COL21A1: variants seen among roughly 807,000 people sequenced by gnomAD.
COL21A1 encodes the protein collagen type XXI alpha 1 chain, also known as collagen alpha-1(XXI) chain.
Under a neutral mutation model 137.9 loss-of-function variants are expected in COL21A1, and 149 were observed. The observed-to-expected ratio is 1.08, with a 90% CI of 0.95 to 1.24. The LOEUF is 1.24. COL21A1 is among the 50% of genes most tolerant of loss of function. COL21A1 has a pLI of 0.00. For missense variants in COL21A1, 1,167 were observed against 1,158.4 expected (o/e 1.01, Z -0.11); for synonymous variants, 456 against 391.5 (o/e 1.16, Z -1.95).
At chr6:56,101,622 T>C in intron 16 of COL21A1, 97 bp from the exon 17 acceptor site, 1 of 795,574 alleles carries the variant, frequency 1.3e-6, no homozygotes, top group South Asian at 1.8e-5. Context: ...GAACATTAAA[T>C]ACAAACAGAA....
At chr6:56,328,709 G>T (rs1336918125) in intron 1 of COL21A1, among the ~76,000 whole-genome samples, 1 of 152,080 alleles carries the variant, frequency 6.6e-6, no homozygotes, top group South Asian at 2.1e-4. Flanking sequence ...GAGTTACTTT[G>T]TAAGTACTGA....
At position 56,060,871 on chromosome 6, in the gene COL21A1, G is replaced by A; in HGVS notation, c.2352+20C>T. On this transcript the variant is annotated intron_variant, in intron 26 of 29. Coordinates refer to ENST00000244728, the MANE Select transcript of COL21A1 (RefSeq NM_030820.4). Reference sequence around the variant, plus strand: ...AAATCAATGAAAATGTAATAACTGTGAAAGAAGCAGAATACATACGGGCTT... The same window carrying A: ...AAATCAATGAAAATGTAATAACTGTAAAAGAAGCAGAATACATACGGGCTT... 6.3e-7 allele frequency: 1 copy of A among 1,583,494 alleles called. No homozygotes were observed.
intron 17 of COL21A1, among the ~76,000 whole-genome samples, chr6:56,099,734 A>G (rs1770279517): frequency 6.6e-6 from 1 of 152,006 alleles, no homozygotes; most frequent in African/African-American, 2.4e-5. Context: ...TAAACAAATA[A>G]TCACACCCAG....
chr6:56,282,348 GT>G (rs1217914335), intron 1 of COL21A1, among the ~76,000 whole-genome samples: 1 of 130,498 alleles, frequency 7.7e-6, no homozygotes, highest in Non-Finnish European at 1.6e-5. Flanking sequence ...TTAAGATTTT[GT>G]TTTTTCTCAT....
chr6:56,127,516 G>A (rs1012392254), intron 12 of COL21A1, among the ~76,000 whole-genome samples: 1 of 152,088 alleles, frequency 6.6e-6, no homozygotes, highest in East Asian at 1.9e-4. Flanking sequence ...ATCTTGTTTA[G>A]GGGAATATAA....
intron 1 of COL21A1, among the ~76,000 whole-genome samples, chr6:56,201,986 C>CT (rs1342564736): frequency 2.6e-5 from 4 of 151,950 alleles, no homozygotes; most frequent in African/African-American, 9.7e-5. Flanking sequence ...GAATACCTGG[C>CT]TTGAAGTATA....
intron 1 of COL21A1, among the ~76,000 whole-genome samples, chr6:56,365,714 C>A (rs1056693232): frequency 2.6e-5 from 4 of 152,134 alleles, no homozygotes; most frequent in Non-Finnish European, 5.9e-5. Context: ...ATGCTCCCAC[C>A]ATTCTTATAT....
chr6:56,284,380 G>C (rs4329119), intron 1 of COL21A1, among the ~76,000 whole-genome samples: 1 of 152,156 alleles, frequency 6.6e-6, no homozygotes, highest in Non-Finnish European at 1.5e-5. Context: ...ATGTTAAAAA[G>C]TGATCTTCAC....
chr6:56,206,357 CA>C (rs1249460951), intron 1 of COL21A1, among the ~76,000 whole-genome samples: 2 of 144,550 alleles, frequency 1.4e-5, no homozygotes, highest in African/African-American at 2.5e-5. Flanking sequence ...TTTGATGAAA[CA>C]GACTTTAAAT....
upstream of COL21A1, among the ~76,000 whole-genome samples, chr6:56,251,905 T>G (rs1782863997): frequency 6.6e-6 from 1 of 152,258 alleles, no homozygotes; most frequent in African/African-American, 2.4e-5. Flanking sequence ...AACAGAGGAC[T>G]CTGCCATCTT....
At chr6:56,267,642 G>C (rs1208643789) in intron 1 of COL21A1, among the ~76,000 whole-genome samples, 1 of 151,896 alleles carries the variant, frequency 6.6e-6, no homozygotes, top group African/African-American at 2.4e-5. Context: ...TGTAATCCCA[G>C]CTACTCGGGA....
chr6:56,196,894 A>G (rs900912856), intron 1 of COL21A1, among the ~76,000 whole-genome samples: 2 of 152,078 alleles, frequency 1.3e-5, no homozygotes, highest in Non-Finnish European at 2.9e-5. Flanking sequence ...TAAAATTTGT[A>G]TGGAACCACA....
chr6:56,135,830 C>T (rs369665046), intron 12 of COL21A1, among the ~76,000 whole-genome samples: 1 of 152,160 alleles, frequency 6.6e-6, no homozygotes, highest in Non-Finnish European at 1.5e-5. Flanking sequence ...CCTTTAAACT[C>T]CTAGAGAATT....
chr6:56,238,112 A>G (rs1263066946), intron 1 of COL21A1, among the ~76,000 whole-genome samples: 1 of 152,120 alleles, frequency 6.6e-6, no homozygotes, highest in Non-Finnish European at 1.5e-5. Context: ...GTATGAAACA[A>G]TCAACAACCT....
intron 1 of COL21A1, among the ~76,000 whole-genome samples, chr6:56,278,618 A>T (rs1279374316): frequency 6.6e-6 from 1 of 152,214 alleles, no homozygotes; most frequent in Non-Finnish European, 1.5e-5. Context: ...GCAGCATGGT[A>T]TATTTTACAA....
intron 1 of COL21A1, among the ~76,000 whole-genome samples, chr6:56,323,357 T>C (rs1764921964): frequency 6.6e-6 from 1 of 152,116 alleles, no homozygotes; most frequent in Non-Finnish European, 1.5e-5. Flanking sequence ...TCACATTGTT[T>C]TTCCTTAGGT....
intron 1 of COL21A1, among the ~76,000 whole-genome samples, chr6:56,204,420 A>C (rs1010818117): frequency 6.6e-6 from 1 of 152,156 alleles, no homozygotes; most frequent in African/African-American, 2.4e-5. Flanking sequence ...GACTGCCTCT[A>C]TAGATTCCTC....
intron 17 of COL21A1, among the ~76,000 whole-genome samples, chr6:56,095,238 C>A (rs1402717940): frequency 6.6e-6 from 1 of 152,100 alleles, no homozygotes; most frequent in Non-Finnish European, 1.5e-5. Context: ...CTTGCACTAG[C>A]CAAAACTGGT....
upstream of COL21A1, among the ~76,000 whole-genome samples, chr6:56,251,789 G>C (rs4119562): frequency 0.25 from 38,093 of 152,120 alleles, 6,115 homozygotes; most frequent in East Asian, 0.67. Context: ...AGGTTTGCAG[G>C]AAGGGTTATC....
Sources: allele counts gnomAD v4.1 joint callset (sites outside exome capture counted in the v4.1 genomes callset), GRCh38; gene constraint gnomAD v4.1.1; transcripts MANE v1.5; gene names NCBI Gene and HGNC (gene_info 2026-07-23, HGNC 2026-07-21).